Variants in EYS observed in about 807,000 individuals in gnomAD.
The protein encoded by EYS is EGF-like photoreceptor maintenance factor, also known as protein eyes shut homolog.
A neutral mutation model predicts 282.1 loss-of-function variants in EYS; 250 were observed. That is an observed-to-expected ratio of 0.89 (90% CI 0.80 to 0.98). The LOEUF (loss-of-function observed/expected upper bound fraction) is 0.98. EYS is among the 50% of genes least tolerant of loss of function. The pLI, the probability that EYS is intolerant of heterozygous loss-of-function variation, is 0.00. For missense variants in EYS, 4,016 were observed against 3,709.0 expected (o/e 1.08, Z -2.15); for synonymous variants, 1,355 against 1,282.9 (o/e 1.06, Z -1.20).
chr6:65,004,314 G>A lies in EYS; in HGVS notation c.2138-6611C>T, dbSNP rs1439734906. On this transcript the variant is annotated intron_variant, in intron 13 of 42. Coordinates refer to ENST00000503581, the MANE Select transcript of EYS (RefSeq NM_001142800.2). Reference sequence around the variant, plus strand: ...ATTTGTCAGAAATTGGGGGTACTTAGTGAAGATAACTGACATTGACTTTGA... The same window carrying A: ...ATTTGTCAGAAATTGGGGGTACTTAATGAAGATAACTGACATTGACTTTGA... Among the ~76,000 whole-genome samples, 3 of 147,556 alleles carry A rather than the reference G, an allele frequency of 2.0e-5. 1 individual carries two copies. Among genetic ancestry groups the A allele is most frequent in the East Asian group, 2.1e-4 (1 of 4,752 alleles).
At chr6:64,373,890 C>G (rs1246658753) in intron 29 of EYS, among the ~76,000 whole-genome samples, 1 of 152,024 alleles carries the variant, frequency 6.6e-6, no homozygotes, top group Admixed American at 6.6e-5. Flanking sequence ...AAGCCGTGCT[C>G]TCCAGCTGAG....
At chr6:63,781,492 T>G (rs929722033) in intron 39 of EYS, among the ~76,000 whole-genome samples, 2 of 152,188 alleles carry the variant, frequency 1.3e-5, no homozygotes, top group African/African-American at 4.8e-5. Context: ...TTCCTAGGTA[T>G]TTTACTCTCT....
intron 33 of EYS, among the ~76,000 whole-genome samples, chr6:64,029,181 C>G (rs1474722065): frequency 1.3e-5 from 2 of 152,164 alleles, no homozygotes; most frequent in Non-Finnish European, 2.9e-5. Context: ...TTTAAGCCTT[C>G]CCACAGGACA....
Position 64,230,756 on chromosome 6 carries a change from T to C in EYS, c.6260A>G (p.Asp2087Gly). The change falls in exon 31 of 43, where the codon GAT becomes GGT. Residue 2087 changes from aspartate (D) to glycine (G), a missense_variant. Physicochemically the swap from Asp to Gly is moderately conservative, Grantham distance 94. Coordinates refer to ENST00000503581, the MANE Select transcript of EYS (RefSeq NM_001142800.2). ...GGGGCTGACAGAAGTCCACATGGTATCAACCCCTTGTGTCACATCAGAAGC... is the reference window on the plus strand; with the variant it reads ...GGGGCTGACAGAAGTCCACATGGTACCAACCCCTTGTGTCACATCAGAAGC... Reference protein sequence around the residue: ...VDASDVTQGVDTMWTSVSPSV... With the variant: ...VDASDVTQGVGTMWTSVSPSV... 1 of 1,551,590 alleles carries C rather than the reference T, an allele frequency of 6.4e-7. No homozygotes were observed. The highest frequency in any genetic ancestry group is 8.7e-7 in the Non-Finnish European group (1 of 1,146,916).
chr6:65,223,391 C>A (rs1447893186), intron 12 of EYS, among the ~76,000 whole-genome samples: 1 of 151,030 alleles, frequency 6.6e-6, no homozygotes, highest in Non-Finnish European at 1.5e-5. Flanking sequence ...AGAACAAGAA[C>A]AACAACAACA....
At chr6:65,651,472 A>G (rs953391908) in intron 1 of EYS, among the ~76,000 whole-genome samples, 1 of 152,002 alleles carries the variant, frequency 6.6e-6, no homozygotes, top group Non-Finnish European at 1.5e-5. Flanking sequence ...TGTCTCTTCT[A>G]TAACTTTCTT....
intron 29 of EYS, among the ~76,000 whole-genome samples, chr6:64,335,396 C>T (rs1174671721): frequency 1.3e-5 from 2 of 152,024 alleles, no homozygotes; most frequent in African/African-American, 2.4e-5. Context: ...ACCTCCCTAG[C>T]GTGCCTGCAG....
At chr6:65,646,754 G>A (rs1426973384) in intron 1 of EYS, among the ~76,000 whole-genome samples, 7 of 152,026 alleles carry the variant, frequency 4.6e-5, no homozygotes. Context: ...TGATATGATC[G>A]TATACCTAGA....
chr6:63,745,860 G>A (rs1769197861), intron 41 of EYS, among the ~76,000 whole-genome samples: 1 of 152,170 alleles, frequency 6.6e-6, no homozygotes, highest in South Asian at 2.1e-4. Flanking sequence ...TGTGATGTTG[G>A]AGTTGTAATC....
At chr6:64,857,611 G>A (rs998977749) in intron 19 of EYS, among the ~76,000 whole-genome samples, 2 of 151,918 alleles carry the variant, frequency 1.3e-5, no homozygotes, top group African/African-American at 4.8e-5. Flanking sequence ...CCATTCTTTC[G>A]GATATGTATT....
chr6:63,874,627 A>T (rs1347495885), intron 35 of EYS, among the ~76,000 whole-genome samples: 2 of 151,868 alleles, frequency 1.3e-5, no homozygotes, highest in Non-Finnish European at 2.9e-5. Flanking sequence ...CCTATCCATG[A>T]GCATGGAATG....
chr6:64,059,956 T>C (rs1435371067), intron 33 of EYS, among the ~76,000 whole-genome samples: 1 of 152,178 alleles, frequency 6.6e-6, no homozygotes, highest in African/African-American at 2.4e-5. Context: ...ATGGAAGAGC[T>C]GATAAAAAGA....
chr6:65,426,983 T>G (rs2150381018), intron 5 of EYS, among the ~76,000 whole-genome samples: 1 of 152,190 alleles, frequency 6.6e-6, no homozygotes, highest in South Asian at 2.1e-4. Context: ...TTCTTTTAGG[T>G]TTAATTTTGG....
At chr6:64,323,594 A>G (rs1315533751) in intron 29 of EYS, among the ~76,000 whole-genome samples, 1 of 152,156 alleles carries the variant, frequency 6.6e-6, no homozygotes, top group Non-Finnish European at 1.5e-5. Context: ...TTTCCCGACT[A>G]TACTGAAATA....
intron 35 of EYS, among the ~76,000 whole-genome samples, chr6:63,925,683 G>T (rs1764695762): frequency 6.6e-6 from 1 of 152,128 alleles, no homozygotes; most frequent in Admixed American, 6.5e-5. Context: ...TCGCTCTATA[G>T]CCCAGGCTGG....
intron 30 of EYS, among the ~76,000 whole-genome samples, chr6:64,302,216 C>T (rs570899604): frequency 4.6e-5 from 7 of 152,264 alleles, no homozygotes; most frequent in Non-Finnish European, 8.8e-5. Flanking sequence ...AATTCTTCCA[C>T]CAAAACTGGA....
At chr6:65,627,804 C>T (rs1340423709) in intron 2 of EYS, among the ~76,000 whole-genome samples, 1 of 152,226 alleles carries the variant, frequency 6.6e-6, no homozygotes, top group Non-Finnish European at 1.5e-5. Flanking sequence ...GGACCTGCAG[C>T]CCGCCATGCC....
rs368792965 is a variant in EYS, at chr6:64,844,247, G to T, written c.2993-21425C>A. Among the ~76,000 whole-genome samples, 285 of 151,994 alleles carry T rather than the reference G, an allele frequency of 1.9e-3. 1 individual carries two copies. Among genetic ancestry groups the T allele is most frequent in the African/African-American group, 6.6e-3 (275 of 41,476 alleles). On this transcript the variant is annotated intron_variant, in intron 19 of 42. Coordinates refer to ENST00000503581, the MANE Select transcript of EYS (RefSeq NM_001142800.2). ...TTAGATTAGTATAAAGCAATTTTGTGTATATCGTCGTTCTTAAATTTCTTT... is the reference window on the plus strand; with the variant it reads ...TTAGATTAGTATAAAGCAATTTTGTTTATATCGTCGTTCTTAAATTTCTTT...
intron 14 of EYS, among the ~76,000 whole-genome samples, chr6:64,968,210 G>T (rs151165210): frequency 3.1e-4 from 47 of 152,006 alleles, no homozygotes; most frequent in African/African-American, 1.1e-3. Context: ...ATTACTTACA[G>T]AAACAGTAAA....
Sources: gnomAD v4.1 joint callset for allele counts (sites outside exome capture counted in the v4.1 genomes callset) on GRCh38, gnomAD v4.1.1 for gene constraint, MANE v1.5 for transcripts, NCBI Gene and HGNC (gene_info 2026-07-23, HGNC 2026-07-21) for gene names.